GRIN2C: variants seen among roughly 807,000 people sequenced by gnomAD.
The protein encoded by GRIN2C is glutamate receptor ionotropic, NMDA 2C.
A neutral mutation model predicts 77.7 loss-of-function variants in GRIN2C; 64 were observed. The observed-to-expected ratio is 0.82, with a 90% CI of 0.67 to 1.01. GRIN2C has a LOEUF of 1.01. Ranked by LOEUF, GRIN2C falls within the 50% of genes least tolerant of loss-of-function variation. The pLI is 0.00. For missense variants in GRIN2C, 1,549 were observed against 1,486.0 expected, an observed-to-expected ratio of 1.04 and a Z score of -0.70; for synonymous variants, 792 against 643.4, an observed-to-expected ratio of 1.23 and a Z score of -3.49.
In GRIN2C at chr17:74,842,114, A is replaced by G. The variant is rs1476452684; in HGVS notation, c.*321T>C. ...GGATCGGGATGGCCCTGCCTCAACCACAAGTTCCAGCCTCCATGCCCACAG... is the reference window on the plus strand; with the variant it reads ...GGATCGGGATGGCCCTGCCTCAACCGCAAGTTCCAGCCTCCATGCCCACAG... On this transcript the variant is annotated 3_prime_UTR_variant, in exon 13 of 13. Transcript: ENST00000293190. The G allele has an allele frequency of 3.0e-6, 1 of 334,032 alleles. No individual in the cohort carries two copies. Among genetic ancestry groups the G allele is most frequent in the Non-Finnish European group, 5.5e-6 (1 of 182,634 alleles). 20.7% of individuals were successfully genotyped at this position (334,032 alleles called of 1,614,324 possible).
chr17:74,854,588 C>T, intron 2 of GRIN2C, 106 bp downstream of exon 2: 1 of 876,774 alleles, frequency 1.1e-6, no homozygotes, highest in Non-Finnish European at 1.8e-6. Context: ...CAGCCCCCAC[C>T]TCCCTGCCCA....
chr17:74,847,532 CGGACTCTGGGGGCAAGA>C lies in GRIN2C; in HGVS notation c.1772-12_1776del. On this transcript the variant is annotated splice_acceptor_variant and splice_polypyrimidine_tract_variant and coding_sequence_variant and intron_variant, in exon 9 of 13. Transcript: ENST00000293190. LOFTEE classifies it high-confidence loss of function. The surrounding 1 kb of genome is among the most constrained non-coding windows in gnomAD (Gnocchi z 5.2). ...TTGCCGATAGTGAAAGCTGGGCCCC[CGGACTCTGGGGGCAAGA>C]GGCGGGGGGATGCTGGAGCTCCTCC... 1 of 1,610,926 alleles carries C rather than the reference CGGACTCTGGGGGCAAGA, an allele frequency of 6.2e-7. No individual in the cohort carries two copies. The highest frequency in any genetic ancestry group is 8.5e-7 in the Non-Finnish European group (1 of 1,177,822).
intron 1 of GRIN2C, among the ~76,000 whole-genome samples, chr17:74,855,921 T>G (rs376486272): frequency 6.6e-6 from 1 of 152,156 alleles, no homozygotes; most frequent in African/African-American, 2.4e-5. Flanking sequence ...CGCAGCAGGG[T>G]GCAACAGCAC....
rs772040978 is a variant in GRIN2C, at chr17:74,847,820, C to T, written c.1771+32G>A. The T allele has an allele frequency of 3.7e-6, 6 of 1,613,198 alleles. No individual in the cohort carries two copies. The Admixed American group carries it at 1.0e-4, about 27-fold the overall frequency. On this transcript the variant is annotated intron_variant, in intron 8 of 12. Transcript: ENST00000293190. The surrounding 1 kb of genome is among the most constrained non-coding windows in gnomAD (Gnocchi z 5.2). ...GCCCAGCCCTCAGGGTGCCCAGGCC[C>T]ACCCCTCCTGCCGGGCCCAGGCAAG...
At position 74,842,576 on chromosome 17, in the gene GRIN2C, G is replaced by A. The variant is rs747967760; in HGVS notation, c.3561C>T (p.His1187=). ...TGCCCAGCCCCAGAGTCCTGCCCCTGTGCCCCAGAGGCCCCCAGGCCCCGG... is the reference window on the plus strand; with the variant it reads ...TGCCCAGCCCCAGAGTCCTGCCCCTATGCCCCAGAGGCCCCCAGGCCCCGG... ...WLSGAWGPLG[H]RGRTLGLGTG... is the part of the protein sequence containing the mutation. Residue 1187 remains histidine (H), a synonymous_variant, in exon 13 of 13, where the codon CAC becomes CAT. Coordinates refer to ENST00000293190, the MANE Select transcript of GRIN2C (RefSeq NM_000835.6). 2.6e-6 allele frequency: 2 copies of A among 771,216 alleles called. No individual in the cohort carries two copies. Among genetic ancestry groups the A allele is most frequent in the South Asian group, 2.7e-5 (2 of 73,696 alleles). 47.8% of individuals were successfully genotyped at this position (771,216 alleles called of 1,614,324 possible).
intron 1 of GRIN2C, among the ~76,000 whole-genome samples, chr17:74,858,617 CTACCCA>C (rs2144625682): frequency 7.0e-6 from 1 of 143,636 alleles, no homozygotes; most frequent in East Asian, 2.1e-4. Context: ...CACCTCCCAC[CTACCCA>C]CCCCCGCCAG....
In GRIN2C at chr17:74,852,196, C is replaced by T; in HGVS notation, c.815G>A (p.Gly272Asp). ...TDAPPATFPV[G>D]LISVVTESWR... The stretch of plus-strand genomic sequence containing the variant: ...GCTCTCGGTGACGACGCTGATGAGG[C>T]CCACGGGGAAGGTGGCGGGGGGCGC... Residue 272 changes from glycine to aspartate, a missense_variant, in exon 3 of 13, where the codon GGC becomes GAC. Gly to Asp is a moderately conservative substitution (Grantham distance 94). Around this residue, in one of 3 missense-constraint regions of GRIN2C, gnomAD observed 717 missense variants for 858.1 expected, o/e 0.84. Coordinates refer to ENST00000293190, the MANE Select transcript of GRIN2C (RefSeq NM_000835.6). 3 of 1,453,948 alleles carry T rather than the reference C, an allele frequency of 2.1e-6. No individual in the cohort carries two copies. The highest frequency in any genetic ancestry group is 2.7e-6 in the Non-Finnish European group (3 of 1,105,714). 90.1% of individuals were successfully genotyped at this position (1,453,948 alleles called of 1,614,324 possible).
Position 74,849,463 on chromosome 17 carries a change from C to T in GRIN2C, c.1645+317G>A, listed in dbSNP as rs953825850. ...TCCTCAACTCCCCACGGGCCTCCCC[C>T]ACTCGTTCCACAGTCCTGGGCCATG... On this transcript the variant is annotated intron_variant, in intron 7 of 12. Transcript: ENST00000293190. This position sits in a 1 kb window ranked among gnomAD's most constrained non-coding sequence, Gnocchi z 4.6. Among the ~76,000 whole-genome samples, 3 of 152,210 alleles carry T rather than the reference C, an allele frequency of 2.0e-5. No homozygotes were observed. Among genetic ancestry groups the T allele is most frequent in the Non-Finnish European group, 2.9e-5 (2 of 68,018 alleles).
In GRIN2C at chr17:74,850,004, C is replaced by G; in HGVS notation, c.1492-71G>C. 1 of 1,511,754 alleles carries G rather than the reference C, an allele frequency of 6.6e-7. No individual in the cohort carries two copies. The highest frequency in any genetic ancestry group is 9.0e-7 in the Non-Finnish European group (1 of 1,110,340). 93.6% of individuals were successfully genotyped at this position (1,511,754 alleles called of 1,614,324 possible). ...GGTGGACACGCTGCACAGGCACCTC[C>G]AGACACCCCTTCTAGCACCCACCAG... On this transcript the variant is annotated intron_variant, in intron 6 of 12. Coordinates refer to ENST00000293190, the MANE Select transcript of GRIN2C (RefSeq NM_000835.6). This position sits in a 1 kb window ranked among gnomAD's most constrained non-coding sequence, Gnocchi z 5.3.
chr17:74,858,503 C>T (rs903904602), intron 1 of GRIN2C, among the ~76,000 whole-genome samples: 1 of 151,968 alleles, frequency 6.6e-6, no homozygotes, highest in Non-Finnish European at 1.5e-5. Context: ...AAGGAGCTTC[C>T]GAATTCTGTC....
At chr17:74,845,279 T>C (rs1188057031) in intron 11 of GRIN2C, among the ~76,000 whole-genome samples, 1 of 148,966 alleles carries the variant, frequency 6.7e-6, no homozygotes, top group East Asian at 2.0e-4. Context: ...TTTTTTTTTT[T>C]TTTGAGACAG....
In GRIN2C at chr17:74,859,883, T is replaced by TGCG. The variant is rs71157101; in HGVS notation, c.-156_-155insCGC. The stretch of plus-strand genomic sequence containing the variant: ...ACCCGCGGCTCAAGGACACTCGCGA[T>TGCG]GCGGCGGCGGCGGCGGCGGCGGCGG... On this transcript the variant is annotated 5_prime_UTR_variant, in exon 1 of 13. Transcript: ENST00000293190. The surrounding 1 kb of genome is among the most constrained non-coding windows in gnomAD (Gnocchi z 5.9). 8.0e-4 allele frequency: 132 copies of TGCG among 165,704 alleles called. 1 individual carries two copies. The highest frequency in any genetic ancestry group is 3.0e-3 in the South Asian group (18 of 5,944). 10.3% of individuals were successfully genotyped at this position (165,704 alleles called of 1,614,324 possible).
At chr17:74,851,108 G>T in intron 4 of GRIN2C, 1 of 377,914 alleles carries the variant, frequency 2.6e-6, no homozygotes, top group South Asian at 4.2e-5. Flanking sequence ...CCTCTTCCTG[G>T]TGGGCTCCTA....
chr17:74,842,311 T>C lies in GRIN2C; in HGVS notation c.*124A>G, dbSNP rs1034957926. On this transcript the variant is annotated 3_prime_UTR_variant, in exon 13 of 13. Transcript: ENST00000293190. ...TGATGACCATGGAAGACATCATCTG[T>C]CACTGGGGTCCCATGGCCAGGATTT... The C allele has an allele frequency of 1.9e-5, 12 of 619,128 alleles. No individual in the cohort carries two copies. Among genetic ancestry groups the C allele is most frequent in the Admixed American group, 8.7e-5 (3 of 34,392 alleles). The allele number at this position is 619,128 out of a possible 1,614,324, so 38.4% of individuals were successfully genotyped here. A position where few individuals can be genotyped will look rare whatever the true frequency, so the allele number is the denominator to read the frequency against.
At position 74,843,183 on chromosome 17, in the gene GRIN2C, C is replaced by G. The variant is rs1204192018; in HGVS notation, c.2954G>C (p.Gly985Ala). 7.2e-6 allele frequency: 3 copies of G among 415,246 alleles called. No individual in the cohort carries two copies. Among genetic ancestry groups the G allele is most frequent in the African/African-American group, 6.2e-5 (3 of 48,296 alleles). The allele number at this position is 415,246 out of a possible 1,614,324, so 25.7% of individuals were successfully genotyped here. Residue 985 changes from glycine to alanine, a missense_variant, in exon 13 of 13, where the codon GGG becomes GCG. Gly to Ala is a moderately conservative substitution (Grantham distance 60). Coordinates refer to ENST00000293190, the MANE Select transcript of GRIN2C (RefSeq NM_000835.6). ...TCGGGAGACGTCGGACAGGGGCGGC[C>G]CCGGCGTCGGGGGGCGGCCCGGGGG... The part of the protein sequence containing the change: ...PQPPGRPPTP[G>A]PPLSDVSRVS...
rs780272116 is a variant in GRIN2C at position 74,846,303 on chromosome 17, G to A, written c.2163-50C>T. The A allele has an allele frequency of 6.5e-7, 1 of 1,550,050 alleles. No individual in the cohort carries two copies. The highest frequency in any genetic ancestry group is 1.1e-5 in the South Asian group (1 of 89,328). The stretch of plus-strand genomic sequence containing the variant: ...CTAGGGACCATATGGGAGGGGAGGG[G>A]ACACCGAAACTGGGGCGTGACAGGG... On this transcript the variant is annotated intron_variant, in intron 10 of 12. Coordinates refer to ENST00000293190, the MANE Select transcript of GRIN2C (RefSeq NM_000835.6). The surrounding 1 kb of genome is among the most constrained non-coding windows in gnomAD (Gnocchi z 4.4).
chr17:74,852,859 A>G (rs11869277), intron 2 of GRIN2C: 108,311 of 398,744 alleles, frequency 0.27, 15,562 homozygotes, highest in East Asian at 0.43. Context: ...ACCACTGGGG[A>G]GTTTGTCAGA....
At position 74,859,050 on chromosome 17, in the gene GRIN2C, G is replaced by C. The variant is rs2037890283; in HGVS notation, c.-16+694C>G. 1.3e-5 allele frequency among the ~76,000 whole-genome samples: 2 copies of C among 151,946 alleles called. No homozygotes were observed. The highest frequency in any genetic ancestry group is 2.9e-5 in the Non-Finnish European group (2 of 67,968). On this transcript the variant is annotated intron_variant, in intron 1 of 12. Coordinates refer to ENST00000293190, the MANE Select transcript of GRIN2C (RefSeq NM_000835.6). The surrounding 1 kb of genome is among the most constrained non-coding windows in gnomAD (Gnocchi z 5.9). The stretch of plus-strand genomic sequence containing the variant: ...CCTGGGTGGGGAGCTCTGTGTAGTG[G>C]TCCCCTCCACCCCTCCATTCTGCCC...
At position 74,849,348 on chromosome 17, in the gene GRIN2C, GC is replaced by G. The variant is rs1301219538; in HGVS notation, c.1645+431del. 6.6e-6 allele frequency among the ~76,000 whole-genome samples: 1 copy of G among 152,164 alleles called. No homozygotes were observed. Among genetic ancestry groups the G allele is most frequent in the African/African-American group, 2.4e-5 (1 of 41,420 alleles). On this transcript the variant is annotated intron_variant, in intron 7 of 12. Coordinates refer to ENST00000293190, the MANE Select transcript of GRIN2C (RefSeq NM_000835.6). This position sits in a 1 kb window ranked among gnomAD's most constrained non-coding sequence, Gnocchi z 4.6. Reference sequence around the variant, plus strand: ...TTGGGAAGGCAAAGACTACGCTGTAGCCCCAGCACCCAGCATGGGACCTGGC... The same window carrying G: ...TTGGGAAGGCAAAGACTACGCTGTAGCCCAGCACCCAGCATGGGACCTGGC...
Sources: gnomAD v4.1 joint callset for allele counts (sites outside exome capture counted in the v4.1 genomes callset) on GRCh38, gnomAD v4.1.1 for gene constraint, gnomAD v4.1.1 regional missense constraint, Gnocchi (gnomAD v3.1) non-coding constraint, MANE v1.5 for transcripts, NCBI Gene and HGNC (gene_info 2026-07-23, HGNC 2026-07-21) for gene names.